The following TGDS variants were observed in gnomAD, a reference collection of about 807,000 sequenced individuals.
TGDS encodes TDP-glucose 4,6-dehydratase.
In TGDS, 47 loss-of-function variants were observed where a neutral mutation model predicts 52.3. That is an observed-to-expected ratio of 0.90 (90% CI 0.71 to 1.15). The LOEUF is 1.15. Ranked by LOEUF, TGDS falls within the 50% of genes most tolerant of loss-of-function variation. TGDS has a pLI of 0.00. For synonymous variants in TGDS, 115 were observed against 136.9 expected (o/e 0.84, Z 1.12); for missense variants, 375 against 418.4 (o/e 0.90, Z 0.90).
intron 11 of TGDS, among the ~76,000 whole-genome samples, chr13:94,575,542 G>C (rs1374283563): frequency 2.6e-5 from 4 of 151,860 alleles, no homozygotes; most frequent in Admixed American, 2.6e-4. Flanking sequence ...CTCCCACTTT[G>C]GTCTCCAAAG....
intron 2 of TGDS, among the ~76,000 whole-genome samples, chr13:94,593,114 A>G (rs948017925): frequency 6.6e-6 from 1 of 152,218 alleles, no homozygotes; most frequent in East Asian, 1.9e-4. Context: ...AGATTGTGCC[A>G]CTGCACTCCA....
At chr13:94,580,505 A>C (rs1353805041) in intron 6 of TGDS, among the ~76,000 whole-genome samples, 2 of 152,166 alleles carry the variant, frequency 1.3e-5, no homozygotes, top group Non-Finnish European at 2.9e-5. Context: ...TCCCATACTG[A>C]CACTGTCAGA....
At chr13:94,588,100 A>G (rs1889062280) in intron 4 of TGDS, among the ~76,000 whole-genome samples, 3 of 151,032 alleles carry the variant, frequency 2.0e-5, no homozygotes, top group South Asian at 2.1e-4. Context: ...CACTAATAAT[A>G]AGACACCATT....
chr13:94,588,127 T>C (rs1889064226), intron 4 of TGDS, among the ~76,000 whole-genome samples: 1 of 150,720 alleles, frequency 6.6e-6, no homozygotes, highest in Non-Finnish European at 1.5e-5. Context: ...GGGAAAAGGC[T>C]GGGCGTGGTG....
At chr13:94,587,113 T>C (rs1037409053) in intron 4 of TGDS, among the ~76,000 whole-genome samples, 4 of 152,092 alleles carry the variant, frequency 2.6e-5, no homozygotes, top group African/African-American at 9.7e-5. Context: ...TGAAAACCTG[T>C]AGGATTCAGA....
intron 2 of TGDS, among the ~76,000 whole-genome samples, chr13:94,593,385 T>G (rs891307148): frequency 6.6e-6 from 1 of 152,198 alleles, no homozygotes; most frequent in South Asian, 2.1e-4. Flanking sequence ...AGGGTTCTTC[T>G]TATGATGGAT....
In TGDS at chr13:94,578,200, A is replaced by C. The variant is rs74104446; in HGVS notation, c.660-30T>G. 1,569 of 1,608,680 alleles carry C rather than the reference A, an allele frequency of 9.8e-4. 15 individuals are homozygous for C. The African/African-American group carries it at 0.019, about 19-fold the overall frequency. ...AGAGATTAAACGAAGTGAAATCATA[A>C]AGTGTAAAAAGGTAAACTCTCCTAA... On this transcript the variant is annotated intron_variant, in intron 8 of 11. Coordinates refer to ENST00000261296, the MANE Select transcript of TGDS (RefSeq NM_014305.4).
At chr13:94,583,387 T>C in intron 4 of TGDS, 151 bp from the exon 5 acceptor site, 1 of 742,244 alleles carries the variant, frequency 1.3e-6, no homozygotes, top group Non-Finnish European at 2.0e-6. Context: ...CAGGCAGTCA[T>C]ATTTATGATT....
At position 94,593,899 on chromosome 13, in the gene TGDS, T is replaced by C. The variant is rs765037542; in HGVS notation, c.95A>G (p.His32Arg). ...ATCTTCCACTAAAGAGACAATCATA[T>C]GTGATGCACTATGGAAAAAAAGTAT... ...VTGGAGFIAS[H>R]MIVSLVEDYP... Residue 32 changes from histidine (H) to arginine (R), a missense_variant, in exon 2 of 12, where the codon CAT (histidine) becomes CGT (arginine). By Grantham distance (29) the His-to-Arg change is conservative. Coordinates refer to ENST00000261296, the MANE Select transcript of TGDS (RefSeq NM_014305.4). 2.6e-6 allele frequency: 4 copies of C among 1,567,624 alleles called. No individual in the cohort carries two copies. Among genetic ancestry groups the C allele is most frequent in the Non-Finnish European group, 3.5e-6 (4 of 1,156,282 alleles).
At position 94,593,837 on chromosome 13, in the gene TGDS, T is replaced by A; in HGVS notation, c.153+4A>T. 1 of 1,553,768 alleles carries A rather than the reference T, an allele frequency of 6.4e-7. No individual in the cohort carries two copies. The highest frequency in any genetic ancestry group is 8.8e-7 in the Non-Finnish European group (1 of 1,137,132). On this transcript the variant is annotated splice_donor_region_variant and intron_variant, in intron 2 of 11. Coordinates refer to ENST00000261296, the MANE Select transcript of TGDS (RefSeq NM_014305.4). ...TGCATGATGCTCATTTTTATAAAAC[T>A]CACCTTGTCTAGATTTATGATCATA...
intron 4 of TGDS, among the ~76,000 whole-genome samples, chr13:94,589,721 A>T (rs1359507690): frequency 6.6e-6 from 1 of 152,250 alleles, no homozygotes; most frequent in African/African-American, 2.4e-5. Flanking sequence ...AATACAAATT[A>T]GAAACATGAG....
At chr13:94,589,932 T>G (rs1566963818) in intron 4 of TGDS, among the ~76,000 whole-genome samples, 1 of 152,090 alleles carries the variant, frequency 6.6e-6, no homozygotes, top group South Asian at 2.1e-4. Context: ...TAATGTATAC[T>G]TATGTATCAT....
chr13:94,585,786 C>T (rs1051755385), intron 4 of TGDS, among the ~76,000 whole-genome samples: 13 of 112,418 alleles, frequency 1.2e-4, no homozygotes, highest in African/African-American at 4.3e-4. Context: ...GGTGACAGAA[C>T]AAGACTCTGT....
intron 5 of TGDS, among the ~76,000 whole-genome samples, chr13:94,581,712 C>T (rs1256313392): frequency 6.6e-6 from 1 of 152,146 alleles, no homozygotes; most frequent in Non-Finnish European, 1.5e-5. Context: ...TCAAGGTTTA[C>T]TTTTTCTCAC....
chr13:94,575,725 T>C (rs1888578732), intron 11 of TGDS, among the ~76,000 whole-genome samples: 1 of 152,206 alleles, frequency 6.6e-6, no homozygotes, highest in Non-Finnish European at 1.5e-5. Flanking sequence ...TATTTCAAGC[T>C]CTGAATCAAA....
chr13:94,592,834 C>CA (rs760587554), intron 2 of TGDS, among the ~76,000 whole-genome samples: 7 of 151,954 alleles, frequency 4.6e-5, no homozygotes, highest in Non-Finnish European at 8.8e-5. Context: ...CAAAACAAAA[C>CA]AAAAACCTTT....
Position 94,574,848 on chromosome 13 carries a change from T to C in TGDS, c.987A>G (p.Glu329=). The C allele has an allele frequency of 6.4e-7, 1 of 1,569,822 alleles. No homozygotes were observed. Among genetic ancestry groups the C allele is most frequent in the Non-Finnish European group, 8.7e-7 (1 of 1,153,704 alleles). ...PWKEGIKKTI[E]WYRENFHNWK... is the part of the protein sequence containing the mutation. ...AGTTGTGAAAATTCTCTCTGTACCA[T>C]TCAACTAATAGGAAAAAACAAAAGA... The change falls in exon 12 of 12, where the codon GAA becomes GAG. Residue 329 remains glutamate (E), a synonymous_variant. Coordinates refer to ENST00000261296, the MANE Select transcript of TGDS (RefSeq NM_014305.4).
At chr13:94,591,367 C>T (rs1297911513) in intron 3 of TGDS, among the ~76,000 whole-genome samples, 1 of 152,140 alleles carries the variant, frequency 6.6e-6, no homozygotes, top group Non-Finnish European at 1.5e-5. Context: ...TTGAGGCGGG[C>T]AGATCACTTG....
In TGDS at chr13:94,578,774, C is replaced by A. The variant is rs1287863843; in HGVS notation, c.616-1G>T. ...GCAAAGATATAAATTTTGGAATAAC[C>A]TAAAAGAATATTTAAATATCATTTC... is the stretch of plus-strand genomic sequence containing the variant. On this transcript the variant is annotated splice_acceptor_variant, in intron 7 of 11. Transcript: ENST00000261296. LOFTEE classifies it high-confidence loss of function. 1.3e-6 allele frequency: 2 copies of A among 1,487,326 alleles called. No homozygotes were observed. The highest frequency in any genetic ancestry group is 2.3e-5 in the South Asian group (2 of 87,028). The allele number at this position is 1,487,326 out of a possible 1,614,324, so 92.1% of individuals were successfully genotyped here.
Sources: gnomAD v4.1 joint callset for allele counts (sites outside exome capture counted in the v4.1 genomes callset) on GRCh38, gnomAD v4.1.1 for gene constraint, MANE v1.5 for transcripts, NCBI Gene and HGNC (gene_info 2026-07-23, HGNC 2026-07-21) for gene names.